SPOCK3: variants seen among roughly 807,000 people sequenced by gnomAD.
The protein encoded by SPOCK3 is testican-3.
A neutral mutation model predicts 56.6 loss-of-function variants in SPOCK3; 30 were observed. The observed-to-expected ratio is 0.53, with a 90% CI of 0.40 to 0.72. The LOEUF is 0.72. Ranked by LOEUF, SPOCK3 falls within the 30% of genes least tolerant of loss-of-function variation. The probability of loss-of-function intolerance (pLI) is 0.00; values close to 1 mark genes in which losing one functional copy is unlikely to be tolerated. For missense variants in SPOCK3, 527 were observed against 530.0 expected, an observed-to-expected ratio of 0.99 and a Z score of 0.06; for synonymous variants, 196 against 183.3, an observed-to-expected ratio of 1.07 and a Z score of -0.56.
intron 4 of SPOCK3, among the ~76,000 whole-genome samples, chr4:166,940,397 G>A (rs1740910750): frequency 6.6e-6 from 1 of 152,058 alleles, no homozygotes; most frequent in South Asian, 2.1e-4. Flanking sequence ...TGTGGATGCT[G>A]CATCTGAGGC....
intron 2 of SPOCK3, among the ~76,000 whole-genome samples, chr4:167,109,347 A>G (rs1476752991): frequency 3.2e-5 from 2 of 62,492 alleles, no homozygotes; most frequent in African/African-American, 1.2e-4. Context: ...ATTATATAAT[A>G]AAATAAATAT....
At chr4:166,825,379 T>C (rs190740888) in intron 6 of SPOCK3, among the ~76,000 whole-genome samples, 127 of 152,198 alleles carry the variant, frequency 8.3e-4, no homozygotes, top group Non-Finnish European at 1.6e-3. Flanking sequence ...ATCTGAAATA[T>C]AACAGATGTC....
chr4:166,821,872 C>G (rs574408908), intron 6 of SPOCK3, among the ~76,000 whole-genome samples: 2 of 151,876 alleles, frequency 1.3e-5, no homozygotes, highest in African/African-American at 4.8e-5. Context: ...ATATGTGAAA[C>G]GAGTGAACTT....
At chr4:167,183,185 C>A (rs964749188) in intron 2 of SPOCK3, among the ~76,000 whole-genome samples, 1 of 152,080 alleles carries the variant, frequency 6.6e-6, no homozygotes, top group African/African-American at 2.4e-5. Flanking sequence ...CCAGAAAACC[C>A]TAATGAAAAC....
At chr4:166,784,678 T>G (rs550852649) in intron 7 of SPOCK3, among the ~76,000 whole-genome samples, 1 of 152,126 alleles carries the variant, frequency 6.6e-6, no homozygotes, top group Admixed American at 6.6e-5. Context: ...TGATTCCACA[T>G]TCAGTCTTTC....
intron 2 of SPOCK3, among the ~76,000 whole-genome samples, chr4:167,085,708 C>G (rs2150299620): frequency 6.6e-6 from 1 of 152,048 alleles, no homozygotes; most frequent in East Asian, 1.9e-4. Flanking sequence ...TAAAACTTTC[C>G]TTCATCATTT....
intron 2 of SPOCK3, among the ~76,000 whole-genome samples, chr4:167,167,943 T>C (rs1730134433): frequency 1.3e-5 from 2 of 151,838 alleles, no homozygotes; most frequent in African/African-American, 2.4e-5. Context: ...ATCATGGGGG[T>C]GATTTCCCCC....
chr4:166,934,644 A>C (rs1561026678), intron 4 of SPOCK3, among the ~76,000 whole-genome samples: 2 of 152,156 alleles, frequency 1.3e-5, no homozygotes, highest in South Asian at 4.1e-4. Flanking sequence ...ATATATGTTT[A>C]TTTATAATAA....
At chr4:167,105,579 T>C (rs1016781459) in intron 2 of SPOCK3, among the ~76,000 whole-genome samples, 1 of 118,748 alleles carries the variant, frequency 8.4e-6, no homozygotes, top group East Asian at 2.7e-4. Flanking sequence ...AAAAAAAAAA[T>C]CACAAAATGG....
intron 6 of SPOCK3, among the ~76,000 whole-genome samples, chr4:166,860,561 T>C (rs1731122053): frequency 6.6e-6 from 1 of 151,738 alleles, no homozygotes; most frequent in South Asian, 2.1e-4. Context: ...AAATCAATGA[T>C]AAAGGAGTGC....
intron 5 of SPOCK3, among the ~76,000 whole-genome samples, chr4:166,902,076 T>C (rs1316028555): frequency 6.6e-6 from 1 of 152,174 alleles, no homozygotes; most frequent in Non-Finnish European, 1.5e-5. Flanking sequence ...TTCCGTGCAC[T>C]CTTTTCAAGG....
intron 7 of SPOCK3, among the ~76,000 whole-genome samples, chr4:166,774,721 T>G (rs1687769420): frequency 6.6e-6 from 1 of 152,200 alleles, no homozygotes; most frequent in Admixed American, 6.5e-5. Context: ...TCTGCTTGTC[T>G]GGGAACACAT....
intron 2 of SPOCK3, among the ~76,000 whole-genome samples, chr4:167,140,473 T>C (rs1763442648): frequency 6.6e-6 from 1 of 151,988 alleles, no homozygotes; most frequent in Non-Finnish European, 1.5e-5. Flanking sequence ...CCCAATACTG[T>C]ATAGTTATAC....
chr4:166,789,149 G>T (rs1282314258), intron 7 of SPOCK3, among the ~76,000 whole-genome samples: 2 of 151,994 alleles, frequency 1.3e-5, no homozygotes, highest in Non-Finnish European at 2.9e-5. Context: ...ACAAAAACTT[G>T]CCGGGTGCGG....
intron 4 of SPOCK3, among the ~76,000 whole-genome samples, chr4:166,972,153 A>T (rs1745460321): frequency 6.6e-6 from 1 of 152,184 alleles, no homozygotes; most frequent in African/African-American, 2.4e-5. Context: ...CACTGATAAT[A>T]CAACAAGCTG....
intron 2 of SPOCK3, among the ~76,000 whole-genome samples, chr4:167,077,762 C>A (rs907933745): frequency 6.6e-6 from 1 of 151,572 alleles, no homozygotes; most frequent in Non-Finnish European, 1.5e-5. Flanking sequence ...TATTGGTAAC[C>A]ATTGTAATGT....
At chr4:166,812,813 CAT>C (rs1743974827) in intron 6 of SPOCK3, among the ~76,000 whole-genome samples, 2 of 151,974 alleles carry the variant, frequency 1.3e-5, no homozygotes, top group South Asian at 4.1e-4. Context: ...CACATACACA[CAT>C]ATACTCACAC....
At chr4:166,992,886 G>A (rs1009698508) in intron 4 of SPOCK3, among the ~76,000 whole-genome samples, 2 of 152,036 alleles carry the variant, frequency 1.3e-5, no homozygotes, top group Non-Finnish European at 1.5e-5. Flanking sequence ...GGATGGCAGA[G>A]TAACAGCTTA....
chr4:166,811,961 T>C (rs927801144), intron 6 of SPOCK3, among the ~76,000 whole-genome samples: 17 of 151,882 alleles, frequency 1.1e-4, no homozygotes, highest in African/African-American at 4.1e-4. Context: ...TGTACAAAGA[T>C]AGTAAGCCAT....
Sources: gnomAD v4.1 joint callset for allele counts (sites outside exome capture counted in the v4.1 genomes callset) on GRCh38, gnomAD v4.1.1 for gene constraint, MANE v1.5 for transcripts, NCBI Gene and HGNC (gene_info 2026-07-23, HGNC 2026-07-21) for gene names.